The following CCDC158 variants were observed in gnomAD, a reference collection of about 807,000 sequenced individuals.
CCDC158 encodes the protein coiled-coil domain-containing protein 158.
A neutral mutation model predicts 138.6 loss-of-function variants in CCDC158; 116 were observed. The ratio of observed to expected loss-of-function variants is 0.84; its 90% CI spans 0.72 to 0.98. The LOEUF is 0.98. CCDC158 is among the 50% of genes least tolerant of loss of function. The pLI is 0.00. For missense variants in CCDC158, 1,265 were observed against 1,306.1 expected (o/e 0.97, Z 0.48); for synonymous variants, 436 against 442.4 (o/e 0.99, Z 0.18).
At chr4:76,408,091 T>A (rs1728978707) in intron 2 of CCDC158, among the ~76,000 whole-genome samples, 1 of 151,128 alleles carries the variant, frequency 6.6e-6, no homozygotes, top group Non-Finnish European at 1.5e-5. Flanking sequence ...ATTATTATTA[T>A]TTTTTACTGC....
At position 76,382,673 on chromosome 4, in the gene CCDC158, G is replaced by T; in HGVS notation, c.851C>A (p.Thr284Asn). 1 of 1,613,560 alleles carries T rather than the reference G, an allele frequency of 6.2e-7. No individual in the cohort carries two copies. Among genetic ancestry groups the T allele is most frequent in the South Asian group, 1.1e-5 (1 of 91,042 alleles). ...SEHEVEITGL[T>N]EKASSARSQA... ...GCTTCGAGCACTGCTAGCTTTCTCA[G>T]TAAGTCCTGTTATTTCAACTTCATG... is the stretch of plus-strand genomic sequence containing the variant. The change falls in exon 8 of 25, where the codon ACT (threonine) becomes AAT (asparagine). Residue 284 changes from threonine to asparagine, a missense_variant. Coordinates refer to ENST00000682701, the MANE Select transcript of CCDC158 (RefSeq NM_001394954.1).
At chr4:76,351,467 A>ACTC (rs1723031850) in intron 17 of CCDC158, among the ~76,000 whole-genome samples, 1 of 151,106 alleles carries the variant, frequency 6.6e-6, no homozygotes. Flanking sequence ...TAGTACCTTC[A>ACTC]CTCACCTATT....
chr4:76,323,620 G>T (rs1046457593), intron 23 of CCDC158, among the ~76,000 whole-genome samples: 4 of 152,100 alleles, frequency 2.6e-5, no homozygotes, highest in African/African-American at 7.2e-5. Context: ...TGCAATGCTA[G>T]CCTATTTGAT....
Position 76,367,371 on chromosome 4 carries a change from C to G in CCDC158, c.1753G>C (p.Ala585Pro), listed in dbSNP as rs767978285. Reference sequence around the variant, plus strand: ...GCTTTTTCTACTTGCATAGCTCCAGCAGTTCGTCCATGCTGGCCCACCAGC... The same window carrying G: ...GCTTTTTCTACTTGCATAGCTCCAGGAGTTCGTCCATGCTGGCCCACCAGC... ...TQLVGQHGRT[A>P]GAMQVEKAQL... is the part of the protein sequence containing the mutation. Residue 585 changes from alanine (A) to proline (P), a missense_variant, in exon 12 of 25, where the codon GCT (alanine) becomes CCT (proline). By Grantham distance (27) the Ala-to-Pro change is conservative. Transcript: ENST00000682701. 1.2e-6 allele frequency: 2 copies of G among 1,614,240 alleles called. No individual in the cohort carries two copies.
At chr4:76,375,719 GA>G (rs772526675) in intron 9 of CCDC158, 5 of 676,198 alleles carry the variant, frequency 7.4e-6, no homozygotes, top group Non-Finnish European at 1.3e-5. Flanking sequence ...AGTGGAAAGA[GA>G]AGAATAGAAA....
chr4:76,405,411 C>T (rs1344390608), intron 2 of CCDC158, among the ~76,000 whole-genome samples: 1 of 152,110 alleles, frequency 6.6e-6, no homozygotes, highest in African/African-American at 2.4e-5. Flanking sequence ...CCCAGAAGAC[C>T]ACTGTAAAAT....
In CCDC158 at chr4:76,349,423, C is replaced by A. The variant is rs112657136; in HGVS notation, c.2664+1573G>T. 6.1e-4 allele frequency among the ~76,000 whole-genome samples: 93 copies of A among 152,294 alleles called. 4 individuals are homozygous for A. In the South Asian group the frequency reaches 0.019, roughly 32 times the overall value. ...GTGGCTCACACCTGTAATCTCAGCA[C>A]TTTGGGAGGCCAAGGTGGGAGGATT... On this transcript the variant is annotated intron_variant, in intron 18 of 24. Transcript: ENST00000682701.
chr4:76,376,691 C>T (rs1459288754), intron 9 of CCDC158, among the ~76,000 whole-genome samples: 1 of 152,138 alleles, frequency 6.6e-6, no homozygotes, highest in Admixed American at 6.5e-5. Context: ...TCACCTTAGG[C>T]CAGAGTGTAC....
chr4:76,324,914 A>G (rs1212275494), intron 23 of CCDC158, among the ~76,000 whole-genome samples: 10 of 152,210 alleles, frequency 6.6e-5, no homozygotes, highest in Admixed American at 2.6e-4. Flanking sequence ...TGCTGCAGAG[A>G]CACAGACATG....
chr4:76,371,358 T>C (rs1388204303), intron 10 of CCDC158, 59 bp downstream of exon 10: 5 of 1,529,916 alleles, frequency 3.3e-6, no homozygotes, highest in Non-Finnish European at 3.6e-6. Context: ...TTTTGTGATA[T>C]ATTTCAGTGA....
In CCDC158 at chr4:76,344,817, C is replaced by G. The variant is rs755237123; in HGVS notation, c.2664+6179G>C. ...CTTCAATGGTCCTCGAGAGAAGATG[C>G]AGAAACCGGGAGAGGGTGAAGGGTC... On this transcript the variant is annotated intron_variant, in intron 18 of 24. Transcript: ENST00000682701. 1.1e-3 allele frequency: 1,781 copies of G among 1,601,130 alleles called. 4 individuals are homozygous for G. Among genetic ancestry groups the G allele is most frequent in the Non-Finnish European group, 1.4e-3 (1,660 of 1,168,204 alleles).
At chr4:76,385,355 A>C (rs984049936) in intron 4 of CCDC158, among the ~76,000 whole-genome samples, 4 of 152,232 alleles carry the variant, frequency 2.6e-5, no homozygotes, top group African/African-American at 9.6e-5. Context: ...GAAAAAAAAG[A>C]ACCAGAGGAA....
Position 76,369,604 on chromosome 4 carries a change from T to A in CCDC158, c.1169A>T (p.Glu390Val), listed in dbSNP as rs777431754. Residue 390 changes from glutamate to valine, a missense_variant, in exon 11 of 25, where the codon GAG becomes GTG. By Grantham distance (121) the Glu-to-Val change is moderately radical. Coordinates refer to ENST00000682701, the MANE Select transcript of CCDC158 (RefSeq NM_001394954.1). The part of the protein sequence containing the change: ...QKLLADLHKR[E>V]KELSLEKEQN... ...CTCCTTCTCCAGACTCAGCTCCTTC[T>A]CCCTTTTGTGTAGATCAGCCTAAAA... 1 of 1,614,124 alleles carries A rather than the reference T, an allele frequency of 6.2e-7. No homozygotes were observed. The highest frequency in any genetic ancestry group is 1.1e-5 in the South Asian group (1 of 91,082).
intron 12 of CCDC158, among the ~76,000 whole-genome samples, chr4:76,366,411 A>T (rs975372526): frequency 6.6e-6 from 1 of 152,194 alleles, no homozygotes; most frequent in Non-Finnish European, 1.5e-5. Context: ...GTCTCCTACT[A>T]CTCACCAAGT....
At chr4:76,338,911 G>A (rs188908831) in intron 18 of CCDC158, among the ~76,000 whole-genome samples, 17 of 152,310 alleles carry the variant, frequency 1.1e-4, no homozygotes, top group African/African-American at 4.1e-4. Context: ...CCAATGATGA[G>A]ACAGCAGAAG....
intron 3 of CCDC158, among the ~76,000 whole-genome samples, chr4:76,400,518 C>T (rs557790321): frequency 5.9e-4 from 89 of 151,486 alleles, no homozygotes; most frequent in Non-Finnish European, 1.0e-3. Context: ...CAAACCTGCA[C>T]GGTGTGCACA....
rs1379280881 is a variant in CCDC158 at position 76,323,945 on chromosome 4, C to T, written c.3170-536G>A. ...CCTAGAACAAATGTGGCAGTGGCAA[C>T]TAAAGAAGGCCTAGGAGCATGTAAG... On this transcript the variant is annotated intron_variant, in intron 23 of 24. Coordinates refer to ENST00000682701, the MANE Select transcript of CCDC158 (RefSeq NM_001394954.1). Among the ~76,000 whole-genome samples the T allele has an allele frequency of 2.6e-5, 4 of 152,144 alleles. No homozygotes were observed. The East Asian group carries it at 5.8e-4, about 22-fold the overall frequency.
At chr4:76,379,600 G>A (rs1249472667) in intron 8 of CCDC158, among the ~76,000 whole-genome samples, 196 bp from the exon 9 acceptor site, 2 of 152,124 alleles carry the variant, frequency 1.3e-5, no homozygotes, top group African/African-American at 2.4e-5. Context: ...CTGGGTGACA[G>A]CTGTATGGGA....
At chr4:76,409,033 C>A (rs7674421) in intron 2 of CCDC158, among the ~76,000 whole-genome samples, 4,464 of 152,128 alleles carry the variant, frequency 0.029, 221 homozygotes, top group African/African-American at 0.1. Context: ...GATGGGGTTT[C>A]AACAAGAATT....
Sources: allele counts gnomAD v4.1 joint callset (sites outside exome capture counted in the v4.1 genomes callset), GRCh38; gene constraint gnomAD v4.1.1; transcripts MANE v1.5; gene names NCBI Gene and HGNC (gene_info 2026-07-23, HGNC 2026-07-21).